MINDY4: variants seen among roughly 807,000 people sequenced by gnomAD.
MINDY4 encodes the protein probable ubiquitin carboxyl-terminal hydrolase MINDY-4.
A neutral mutation model predicts 87.0 loss-of-function variants in MINDY4; 68 were observed. The ratio of observed to expected loss-of-function variants is 0.78; its 90% CI spans 0.64 to 0.96. The LOEUF (loss-of-function observed/expected upper bound fraction) is 0.96. MINDY4 is among the 40% of genes least tolerant of loss of function. The pLI is 0.00. For synonymous variants in MINDY4, 379 were observed against 363.2 expected, an observed-to-expected ratio of 1.04 and a Z score of -0.50; for missense variants, 919 against 928.2, an observed-to-expected ratio of 0.99 and a Z score of 0.13.
chr7:30,794,875 G>A (rs1292436326), intron 5 of MINDY4, among the ~76,000 whole-genome samples: 2 of 152,134 alleles, frequency 1.3e-5, no homozygotes, highest in Admixed American at 6.5e-5. Flanking sequence ...AGAGTGCTGT[G>A]TTGCGGGCGG....
chr7:30,830,311 A>G (rs1464070961), intron 6 of MINDY4, among the ~76,000 whole-genome samples: 1 of 152,210 alleles, frequency 6.6e-6, no homozygotes, highest in Non-Finnish European at 1.5e-5. Flanking sequence ...ATCTTCCCAT[A>G]GCAACACATG....
intron 9 of MINDY4, among the ~76,000 whole-genome samples, chr7:30,843,741 A>G (rs1789114203): frequency 6.7e-6 from 1 of 149,970 alleles, no homozygotes; most frequent in South Asian, 2.1e-4. Flanking sequence ...TGGAGGAGTG[A>G]GGTTTTCTAT....
At chr7:30,789,732 G>C (rs921800905) in intron 4 of MINDY4, among the ~76,000 whole-genome samples, 11 of 152,096 alleles carry the variant, frequency 7.2e-5, no homozygotes, top group Non-Finnish European at 1.6e-4. Context: ...TTTACTATTT[G>C]GTCTTGGATT....
At chr7:30,786,244 G>T (rs1173893603) in intron 4 of MINDY4, 2 of 498,480 alleles carry the variant, frequency 4.0e-6, no homozygotes, top group African/African-American at 1.9e-5. Flanking sequence ...ATGGTTTTCT[G>T]TTCCTCTGCT....
intron 5 of MINDY4, among the ~76,000 whole-genome samples, chr7:30,828,455 C>T (rs1383764081): frequency 6.6e-6 from 1 of 152,138 alleles, no homozygotes; most frequent in African/African-American, 2.4e-5. Flanking sequence ...GTATGAGTCT[C>T]TTTGTGAGAA....
chr7:30,825,534 A>G (rs1472374787), intron 5 of MINDY4, among the ~76,000 whole-genome samples: 1 of 152,240 alleles, frequency 6.6e-6, no homozygotes, highest in Admixed American at 6.5e-5. Context: ...GCAGGAAGCC[A>G]TGGAAGTTTC....
At chr7:30,779,697 T>C (rs1226120953) in intron 2 of MINDY4, 1 of 152,194 alleles carries the variant, frequency 6.6e-6, no homozygotes, top group Non-Finnish European at 1.5e-5. Flanking sequence ...CTATCCAAGG[T>C]CTCACAGTCG....
chr7:30,875,446 A>G, intron 14 of MINDY4, 49 bp from the exon 15 acceptor site: 1 of 1,602,354 alleles, frequency 6.2e-7, no homozygotes. Context: ...CCACTCTTTC[A>G]GTAACTGATT....
intron 5 of MINDY4, among the ~76,000 whole-genome samples, chr7:30,805,539 G>A (rs1274246195): frequency 6.6e-6 from 1 of 152,142 alleles, no homozygotes; most frequent in Non-Finnish European, 1.5e-5. Context: ...GCAAGAAAAC[G>A]GAGTGGTCAG....
chr7:30,791,375 C>T lies in MINDY4; in HGVS notation c.874C>T (p.His292Tyr), dbSNP rs778413193. 6.2e-6 allele frequency: 10 copies of T among 1,614,048 alleles called. 1 individual carries two copies. The South Asian group carries it at 6.6e-5, about 11-fold the overall frequency. The change falls in exon 5 of 18, where the codon CAT becomes TAT. Residue 292 changes from histidine (H) to tyrosine (Y), a missense_variant. Transcript: ENST00000265299. ...RQKTTASSPP[H>Y]LPSKRLPPWD... ...GAAAACCACTGCCAGCAGCCCTCCC[C>T]ATCTGCCCAGCAAACGGCTGCCCCC...
At chr7:30,851,334 C>T (rs923912782) in intron 10 of MINDY4, among the ~76,000 whole-genome samples, 1 of 152,146 alleles carries the variant, frequency 6.6e-6, no homozygotes, top group Admixed American at 6.5e-5. Context: ...GATGTAATCG[C>T]TCTGTTTACT....
At chr7:30,888,961 A>G (rs577109226) in intron 17 of MINDY4, among the ~76,000 whole-genome samples, 1 of 152,310 alleles carries the variant, frequency 6.6e-6, no homozygotes, top group African/African-American at 2.4e-5. Flanking sequence ...CCAGGATTCA[A>G]GGAATTTGTA....
chr7:30,890,596 A>G (rs1790767528), intron 17 of MINDY4, among the ~76,000 whole-genome samples: 1 of 152,240 alleles, frequency 6.6e-6, no homozygotes, highest in Non-Finnish European at 1.5e-5. Context: ...GTCTTTACAG[A>G]TACCAAGAGG....
At chr7:30,794,209 C>T (rs1033852501) in intron 5 of MINDY4, among the ~76,000 whole-genome samples, 18 of 152,224 alleles carry the variant, frequency 1.2e-4, no homozygotes, top group African/African-American at 4.3e-4. Flanking sequence ...CAACTCCCCT[C>T]CATCAGTGCC....
intron 1 of MINDY4, among the ~76,000 whole-genome samples, chr7:30,772,215 C>T (rs1444503120): frequency 1.3e-5 from 2 of 152,060 alleles, no homozygotes; most frequent in African/African-American, 4.8e-5. Context: ...TGGAGGGGGA[C>T]ATACATTAGC....
chr7:30,806,268 G>GC (rs1787802743), intron 5 of MINDY4, among the ~76,000 whole-genome samples: 1 of 152,142 alleles, frequency 6.6e-6, no homozygotes, highest in Non-Finnish European at 1.5e-5. Context: ...GGTTGAAAGG[G>GC]CCCCGCTTTA....
chr7:30,865,404 A>G (rs1431882284), intron 13 of MINDY4, among the ~76,000 whole-genome samples: 1 of 152,270 alleles, frequency 6.6e-6, no homozygotes, highest in Non-Finnish European at 1.5e-5. Context: ...CCAAGGTGAC[A>G]ATGGAAGGTG....
In MINDY4 at chr7:30,875,535, A is replaced by C. The variant is rs376189427; in HGVS notation, c.1850A>C (p.Asn617Thr). 181 of 1,614,050 alleles carry C rather than the reference A, an allele frequency of 1.1e-4. No individual in the cohort carries two copies. Among genetic ancestry groups the C allele is most frequent in the Non-Finnish European group, 3.1e-5 (37 of 1,180,034 alleles). The change falls in exon 15 of 18, where the codon AAC (asparagine) becomes ACC (threonine). Residue 617 changes from asparagine to threonine, a missense_variant. Coordinates refer to ENST00000265299, the MANE Select transcript of MINDY4 (RefSeq NM_032222.3). Reference protein sequence around the residue: ...NLLLTGKAVSNVFNDVVELDS... With the variant: ...NLLLTGKAVSTVFNDVVELDS... ...CTCCTGACTGGGAAAGCTGTGTCCAACGTTTTCAACGATGTGGTTGAGCTG... is the reference window on the plus strand; with the variant it reads ...CTCCTGACTGGGAAAGCTGTGTCCACCGTTTTCAACGATGTGGTTGAGCTG...
rs768571159 is a variant in MINDY4 at position 30,840,829 on chromosome 7, A to G, written c.1426A>G (p.Ser476Gly). 2 of 1,614,172 alleles carry G rather than the reference A, an allele frequency of 1.2e-6. No homozygotes were observed. Among genetic ancestry groups the G allele is most frequent in the Admixed American group, 1.7e-5 (1 of 60,022 alleles). ...ACAGAAACTCCTGTTTGAAGGAGAT[A>G]GCAAAGCCGACTGTGCTCAGTAAGT... ...VLQKLLFEGD[S>G]KADCAQGLQP... is the part of the protein sequence containing the mutation. The change falls in exon 9 of 18, where the codon AGC becomes GGC. Residue 476 changes from serine (S) to glycine (G), a missense_variant. Physicochemically the swap from Ser to Gly is moderately conservative, Grantham distance 56. Coordinates refer to ENST00000265299, the MANE Select transcript of MINDY4 (RefSeq NM_032222.3).
Sources: allele counts gnomAD v4.1 joint callset (sites outside exome capture counted in the v4.1 genomes callset), GRCh38; gene constraint gnomAD v4.1.1; transcripts MANE v1.5; gene names NCBI Gene and HGNC (gene_info 2026-07-23, HGNC 2026-07-21).